PCDH15: variants seen among roughly 807,000 people sequenced by gnomAD.
PCDH15 encodes the protein protocadherin related 15.
PCDH15 carries 129 observed loss-of-function variants against 178.5 expected under a neutral mutation model. The ratio of observed to expected loss-of-function variants is 0.72; its 90% CI spans 0.63 to 0.84. The LOEUF is 0.84. Among genes scored for constraint, PCDH15 ranks in the 40% least tolerant of loss-of-function variants. PCDH15 has a pLI of 0.00. For synonymous variants in PCDH15, 800 were observed against 732.0 expected (o/e 1.09, Z -1.50); for missense variants, 2,230 against 2,099.9 (o/e 1.06, Z -1.21).
intron 28 of PCDH15, among the ~76,000 whole-genome samples, chr10:53,841,866 C>T (rs1388222456): frequency 6.8e-6 from 1 of 146,060 alleles, no homozygotes; most frequent in Non-Finnish European, 1.5e-5. Flanking sequence ...GGAGATGAAA[C>T]AGAAGAATCG....
intron 13 of PCDH15, among the ~76,000 whole-genome samples, chr10:54,154,135 GATTT>G (rs1409238093): frequency 2.0e-5 from 3 of 152,036 alleles, no homozygotes; most frequent in Non-Finnish European, 2.9e-5. Flanking sequence ...AAGCAACAGT[GATTT>G]ATTATATTAA....
chr10:54,886,406 G>A (rs1954359764), intron 3 of PCDH15, among the ~76,000 whole-genome samples: 1 of 152,158 alleles, frequency 6.6e-6, no homozygotes, highest in South Asian at 2.1e-4. Flanking sequence ...TTTAGAGTTT[G>A]CACCAGAAAA....
At chr10:54,978,817 T>G (rs1001828148) in intron 2 of PCDH15, among the ~76,000 whole-genome samples, 14 of 152,254 alleles carry the variant, frequency 9.2e-5, no homozygotes, top group African/African-American at 3.4e-4. Flanking sequence ...CAAAGCTATC[T>G]CTTTAAGATT....
At chr10:54,403,134 T>C (rs1952152532) in intron 3 of PCDH15, among the ~76,000 whole-genome samples, 1 of 151,966 alleles carries the variant, frequency 6.6e-6, no homozygotes. Context: ...AAAGTTTGAG[T>C]GATCTGAATA....
At chr10:55,591,795 A>T (rs1346182939) in intron 2 of PCDH15, among the ~76,000 whole-genome samples, 2 of 152,132 alleles carry the variant, frequency 1.3e-5, no homozygotes, top group African/African-American at 4.8e-5. Flanking sequence ...CATAACAAAA[A>T]AATTTTAAAA....
At chr10:53,849,622 T>G (rs145872799) in intron 28 of PCDH15, among the ~76,000 whole-genome samples, 1,596 of 152,116 alleles carry the variant, frequency 0.01, 37 homozygotes, top group African/African-American at 0.037. Flanking sequence ...CCCAGCACTT[T>G]GGGAGGCTGA....
intron 21 of PCDH15, among the ~76,000 whole-genome samples, chr10:53,985,828 A>T (rs2091056521): frequency 6.6e-6 from 1 of 152,152 alleles, no homozygotes; most frequent in African/African-American, 2.4e-5. Flanking sequence ...AGCAGATCAC[A>T]AAATATAAAT....
At position 54,428,544 on chromosome 10, in the gene PCDH15, T is replaced by C. The variant is rs78994173; in HGVS notation, c.158-49602A>G. ...GTTGCATCTGCATTGTAGGTAAGCA[T>C]GTCGGTATGCACAGACCTCTCTTCC... On this transcript the variant is annotated intron_variant, in intron 3 of 37. Coordinates refer to ENST00000644397, the MANE Select transcript of PCDH15 (RefSeq NM_001384140.1). Among the ~76,000 whole-genome samples, 3 of 152,340 alleles carry C rather than the reference T, an allele frequency of 2.0e-5. No individual in the cohort carries two copies. In the East Asian group the frequency reaches 5.8e-4, roughly 29 times the overall value.
chr10:54,101,543 C>T (rs908912656), intron 15 of PCDH15, among the ~76,000 whole-genome samples: 2 of 152,064 alleles, frequency 1.3e-5, no homozygotes, highest in African/African-American at 2.4e-5. Flanking sequence ...TCAGTTGATA[C>T]ATATATCAAA....
chr10:54,684,773 G>A (rs769189258), intron 1 of PCDH15, among the ~76,000 whole-genome samples: 28 of 150,448 alleles, frequency 1.9e-4, no homozygotes, highest in East Asian at 1.2e-3. Flanking sequence ...CATTTCCAGC[G>A]TTACTCCAGG....
At chr10:54,104,785 C>T (rs2094878701) in intron 15 of PCDH15, among the ~76,000 whole-genome samples, 1 of 142,750 alleles carries the variant, frequency 7.0e-6, no homozygotes, top group Non-Finnish European at 1.5e-5. Flanking sequence ...TGCAGAGAGC[C>T]AAGATCGCGC....
chr10:55,307,224 C>G (rs961014582), intron 1 of PCDH15, among the ~76,000 whole-genome samples: 2 of 151,920 alleles, frequency 1.3e-5, no homozygotes, highest in African/African-American at 4.8e-5. Flanking sequence ...TATTTTCGGA[C>G]TGGCGTGGTA....
At chr10:54,898,974 G>T (rs1954593707) in intron 2 of PCDH15, among the ~76,000 whole-genome samples, 1 of 152,150 alleles carries the variant, frequency 6.6e-6, no homozygotes, top group Admixed American at 6.6e-5. Context: ...GGAGATCATG[G>T]AGACTGAACT....
intron 3 of PCDH15, among the ~76,000 whole-genome samples, chr10:54,445,405 A>G (rs1042190525): frequency 6.6e-6 from 1 of 151,626 alleles, no homozygotes; most frequent in Non-Finnish European, 1.5e-5. Context: ...TGAATGTGCA[A>G]TAAGTTTCCA....
In PCDH15 at chr10:55,422,468, T is replaced by C. The variant is rs570588289; in HGVS notation, c.-156+205157A>G. On this transcript the variant is annotated intron_variant, in intron 2 of 5. Transcript: ENST00000613346. The stretch of plus-strand genomic sequence containing the variant: ...ATATGGTATGTCATATGGAACATTT[T>C]AGCCAAGGATGACAAAGTAGGCAAG... Among the ~76,000 whole-genome samples the C allele has an allele frequency of 1.8e-3, 269 of 152,020 alleles. 1 individual carries two copies. Among genetic ancestry groups the C allele is most frequent in the African/African-American group, 6.1e-3 (255 of 41,540 alleles).
intron 20 of PCDH15, among the ~76,000 whole-genome samples, chr10:54,017,464 A>G (rs2092777236): frequency 6.6e-6 from 1 of 152,240 alleles, no homozygotes; most frequent in Non-Finnish European, 1.5e-5. Flanking sequence ...GCCATAAAAA[A>G]GAATAAAACC....
chr10:54,270,877 C>A (rs1344595610), intron 8 of PCDH15, among the ~76,000 whole-genome samples: 2 of 151,746 alleles, frequency 1.3e-5, no homozygotes, highest in Non-Finnish European at 2.9e-5. Context: ...AGCTGTATGG[C>A]AAAATAGGAA....
chr10:55,496,060 A>G (rs1840526870), intron 2 of PCDH15, among the ~76,000 whole-genome samples: 1 of 151,884 alleles, frequency 6.6e-6, no homozygotes, highest in Non-Finnish European at 1.5e-5. Context: ...AATGGGCTGA[A>G]TATTTTGGGG....
chr10:53,956,297 T>C (rs2087606954), intron 23 of PCDH15, among the ~76,000 whole-genome samples: 1 of 152,080 alleles, frequency 6.6e-6, no homozygotes, highest in Non-Finnish European at 1.5e-5. Flanking sequence ...AATCCAGCTA[T>C]ATGCCCGTGA....
Sources: allele counts gnomAD v4.1 joint callset (sites outside exome capture counted in the v4.1 genomes callset), GRCh38; gene constraint gnomAD v4.1.1; transcripts MANE v1.5; gene names NCBI Gene and HGNC (gene_info 2026-07-23, HGNC 2026-07-21).